LUZP2: variants seen among roughly 807,000 people sequenced by gnomAD.
The protein encoded by LUZP2 is leucine zipper protein 2.
Under a neutral mutation model 51.6 loss-of-function variants are expected in LUZP2, and 52 were observed. The observed-to-expected ratio is 1.01, with a 90% CI of 0.81 to 1.27. The LOEUF (loss-of-function observed/expected upper bound fraction) is 1.27. Among genes scored for constraint, LUZP2 ranks in the 50% most tolerant of loss-of-function variants. The pLI is 0.00. For missense variants in LUZP2, 436 were observed against 395.4 expected (o/e 1.10, Z -0.87); for synonymous variants, 154 against 137.3 (o/e 1.12, Z -0.85).
intron 5 of LUZP2, among the ~76,000 whole-genome samples, chr11:24,866,281 A>T (rs1565017450): frequency 6.6e-6 from 1 of 152,196 alleles, no homozygotes; most frequent in Non-Finnish European, 1.5e-5. Flanking sequence ...CATAGTATCT[A>T]TGAGTATGGC....
At chr11:24,523,036 T>C (rs1850690677) in intron 1 of LUZP2, among the ~76,000 whole-genome samples, 1 of 152,036 alleles carries the variant, frequency 6.6e-6, no homozygotes, top group Non-Finnish European at 1.5e-5. Flanking sequence ...GTTTCAATGA[T>C]TATTTTATCT....
intron 5 of LUZP2, among the ~76,000 whole-genome samples, chr11:24,764,840 A>T (rs968599749): frequency 6.6e-6 from 1 of 152,106 alleles, no homozygotes; most frequent in Admixed American, 6.6e-5. Context: ...ATAAATAAAT[A>T]AACGCAAAAC....
At chr11:24,518,428 G>C (rs924478121) in intron 1 of LUZP2, among the ~76,000 whole-genome samples, 2 of 152,172 alleles carry the variant, frequency 1.3e-5, no homozygotes, top group South Asian at 2.1e-4. Flanking sequence ...GGGCTAACAA[G>C]ATAACAAGCT....
chr11:24,499,158 G>A (rs561367797), intron 1 of LUZP2, among the ~76,000 whole-genome samples: 95 of 152,224 alleles, frequency 6.2e-4, no homozygotes, highest in Non-Finnish European at 1.2e-3. Context: ...CAATGCTTGT[G>A]GTATGTGAAA....
chr11:24,911,618 C>T (rs1853639991), intron 6 of LUZP2, among the ~76,000 whole-genome samples: 1 of 152,116 alleles, frequency 6.6e-6, no homozygotes, highest in Non-Finnish European at 1.5e-5. Flanking sequence ...GCCTCCCCAG[C>T]CATGCAGAAC....
At chr11:24,824,888 C>T (rs1306605872) in intron 5 of LUZP2, among the ~76,000 whole-genome samples, 1 of 152,056 alleles carries the variant, frequency 6.6e-6, no homozygotes, top group African/African-American at 2.4e-5. Context: ...ATCCATGTTA[C>T]ATTTTTATGC....
At chr11:24,833,667 T>C (rs1370694060) in intron 5 of LUZP2, among the ~76,000 whole-genome samples, 1 of 151,288 alleles carries the variant, frequency 6.6e-6, no homozygotes, top group Non-Finnish European at 1.5e-5. Flanking sequence ...CAGACACCCA[T>C]AGTTTTACAC....
At chr11:24,677,133 C>T (rs1590334689) in intron 1 of LUZP2, among the ~76,000 whole-genome samples, 1 of 151,904 alleles carries the variant, frequency 6.6e-6, no homozygotes, top group African/African-American at 2.4e-5. Context: ...TGTCTATTTC[C>T]ACTTTGACAA....
chr11:24,876,687 G>T (rs1192378016), intron 5 of LUZP2, among the ~76,000 whole-genome samples: 1 of 152,032 alleles, frequency 6.6e-6, no homozygotes, highest in East Asian at 1.9e-4. Context: ...ATTACCTTGG[G>T]CAGTATGGCC....
At chr11:24,779,667 T>C (rs1411359789) in intron 5 of LUZP2, among the ~76,000 whole-genome samples, 1 of 152,170 alleles carries the variant, frequency 6.6e-6, no homozygotes, top group African/African-American at 2.4e-5. Context: ...AGAGATCATG[T>C]CCTAATTCCT....
chr11:24,661,508 C>G (rs1273923187), intron 1 of LUZP2, among the ~76,000 whole-genome samples: 3 of 152,156 alleles, frequency 2.0e-5, no homozygotes, highest in Non-Finnish European at 4.4e-5. Flanking sequence ...ACTTGCACAG[C>G]TGGGGCTGCA....
chr11:24,648,370 C>A (rs575661608), intron 1 of LUZP2, among the ~76,000 whole-genome samples: 12 of 152,008 alleles, frequency 7.9e-5, no homozygotes, highest in African/African-American at 2.9e-4. Flanking sequence ...TCTCTTACCC[C>A]TGTCTACTGT....
chr11:24,752,569 G>A (rs1859632373), intron 4 of LUZP2, among the ~76,000 whole-genome samples: 1 of 152,180 alleles, frequency 6.6e-6, no homozygotes, highest in African/African-American at 2.4e-5. Flanking sequence ...GGGAAAATAT[G>A]ATTGGAGTGA....
At chr11:24,736,620 A>T (rs1018947338) in intron 3 of LUZP2, among the ~76,000 whole-genome samples, 3 of 151,910 alleles carry the variant, frequency 2.0e-5, no homozygotes, top group Non-Finnish European at 4.4e-5. Context: ...CTGTCATAAC[A>T]TGAAGTCATA....
chr11:24,855,865 C>T (rs1182741003), intron 5 of LUZP2, among the ~76,000 whole-genome samples: 1 of 152,042 alleles, frequency 6.6e-6, no homozygotes, highest in Non-Finnish European at 1.5e-5. Flanking sequence ...GCAGAAAGGA[C>T]AAACTTTTCA....
intron 11 of LUZP2, 93 bp downstream of exon 11, chr11:25,077,499 T>A: frequency 2.2e-6 from 1 of 458,872 alleles, no homozygotes; most frequent in African/African-American, 2.2e-5. Flanking sequence ...TTTTTTATTT[T>A]TTATTTATTT....
chr11:24,988,001 A>G (rs949832494), intron 9 of LUZP2, among the ~76,000 whole-genome samples: 2 of 152,022 alleles, frequency 1.3e-5, no homozygotes, highest in African/African-American at 2.4e-5. Flanking sequence ...ATTCTAATTT[A>G]GAGCCAAGGT....
chr11:25,068,115 TGA>T (rs2134050960), intron 10 of LUZP2, among the ~76,000 whole-genome samples: 1 of 151,894 alleles, frequency 6.6e-6, no homozygotes, highest in South Asian at 2.1e-4. Flanking sequence ...AGTTGAACAA[TGA>T]GAACACATGG....
intron 5 of LUZP2, among the ~76,000 whole-genome samples, chr11:24,873,161 G>A (rs1852136673): frequency 6.6e-6 from 1 of 152,182 alleles, no homozygotes; most frequent in Non-Finnish European, 1.5e-5. Context: ...TAAAAGCACA[G>A]ATCACAGCAG....
Sources: gnomAD v4.1 joint callset for allele counts (sites outside exome capture counted in the v4.1 genomes callset) on GRCh38, gnomAD v4.1.1 for gene constraint, MANE v1.5 for transcripts, NCBI Gene and HGNC (gene_info 2026-07-23, HGNC 2026-07-21) for gene names.